Variants in ANKRD55 observed in about 807,000 individuals in gnomAD.
The protein encoded by ANKRD55 is ankyrin repeat domain-containing protein 55.
ANKRD55 carries 41 observed loss-of-function variants against 60.6 expected under a neutral mutation model. The ratio of observed to expected loss-of-function variants is 0.68; its 90% CI spans 0.53 to 0.88. The LOEUF is 0.88. ANKRD55 is among the 40% of genes least tolerant of loss of function. The pLI is 0.00. For missense variants in ANKRD55, 732 were observed against 767.6 expected (o/e 0.95, Z 0.55); for synonymous variants, 264 against 290.3 (o/e 0.91, Z 0.92).
intron 2 of ANKRD55, among the ~76,000 whole-genome samples, chr5:56,223,266 G>C (rs1351481061): frequency 6.6e-6 from 1 of 152,146 alleles, no homozygotes; most frequent in Non-Finnish European, 1.5e-5. Flanking sequence ...CTTCATAAGT[G>C]AAGGAGAAAT....
At chr5:56,181,066 G>A (rs1362711938) in intron 3 of ANKRD55, among the ~76,000 whole-genome samples, 1 of 152,100 alleles carries the variant, frequency 6.6e-6, no homozygotes, top group East Asian at 1.9e-4. Flanking sequence ...TGGGAGCAGT[G>A]GTGAGCACCT....
rs184968431 is a variant in ANKRD55, at chr5:56,131,751, G to A, written c.613-4645C>T. Among the ~76,000 whole-genome samples, 985 of 129,164 alleles carry A rather than the reference G, an allele frequency of 7.6e-3. 7 individuals are homozygous for A. The highest frequency in any genetic ancestry group is 0.022 in the African/African-American group (752 of 34,060). 84.7% of individuals were successfully genotyped at this position (129,164 alleles called of 152,430 possible). On this transcript the variant is annotated intron_variant, in intron 7 of 11. Transcript: ENST00000341048. ...GCAGAGGTTGCAGTGAGCCGAGATC[G>A]CGCCATTGCACTCCAGCCTGGGCAA...
Position 56,191,303 on chromosome 5 carries a change from G to T in ANKRD55, c.59-7669C>A, listed in dbSNP as rs537759412. Among the ~76,000 whole-genome samples the T allele has an allele frequency of 4.6e-5, 7 of 152,188 alleles. No individual in the cohort carries two copies. The East Asian group carries it at 1.3e-3, about 29-fold the overall frequency. On this transcript the variant is annotated intron_variant, in intron 2 of 11. Transcript: ENST00000341048. ...CTGTAGATTGCTTTGTGTAGTACTG[G>T]CATCTTAATAATATTAAGTTTTCTA...
At chr5:56,109,644 T>A (rs1363985702) in intron 10 of ANKRD55, among the ~76,000 whole-genome samples, 1 of 151,902 alleles carries the variant, frequency 6.6e-6, no homozygotes, top group African/African-American at 2.4e-5. Flanking sequence ...AGCCTATGGA[T>A]CATTTAAAAA....
intron 7 of ANKRD55, among the ~76,000 whole-genome samples, chr5:56,141,308 C>CA (rs1757760003): frequency 6.6e-6 from 1 of 151,964 alleles, no homozygotes; most frequent in Admixed American, 6.6e-5. Context: ...CACTGCATTA[C>CA]ACAGCTTGGT....
chr5:56,183,683 G>A lies in ANKRD55; in HGVS notation c.59-49C>T, dbSNP rs756375906. 7.5e-6 allele frequency: 12 copies of A among 1,600,986 alleles called. No homozygotes were observed. In the South Asian group the frequency reaches 1.2e-4, roughly 16 times the overall value. ...TGTTAGTGTGTGGAGCCAGTTCACT[G>A]AAAGAATAACAATACCCAAGTCGTC... is the stretch of plus-strand genomic sequence containing the variant. On this transcript the variant is annotated intron_variant, in intron 2 of 11. Coordinates refer to ENST00000341048, the MANE Select transcript of ANKRD55 (RefSeq NM_024669.3).
intron 7 of ANKRD55, among the ~76,000 whole-genome samples, chr5:56,142,800 G>A (rs1580976984): frequency 6.6e-6 from 1 of 152,218 alleles, no homozygotes; most frequent in African/African-American, 2.4e-5. Flanking sequence ...GATACTGAAA[G>A]TATGTAGGAG....
At chr5:56,201,674 T>G (rs1021066145) in intron 2 of ANKRD55, among the ~76,000 whole-genome samples, 1 of 152,210 alleles carries the variant, frequency 6.6e-6, no homozygotes, top group African/African-American at 2.4e-5. Context: ...TTAATTCATA[T>G]GAAGTGCTTA....
rs1303349452 is a variant in ANKRD55 at position 56,135,274 on chromosome 5, C to G, written c.613-8168G>C. On this transcript the variant is annotated intron_variant, in intron 7 of 11. Coordinates refer to ENST00000341048, the MANE Select transcript of ANKRD55 (RefSeq NM_024669.3). ...TCCTTCCTTCCTTCTTTCCCTCCCT[C>G]CCTCCCTGCCTGCCTGCTTGCTTTC... is the stretch of plus-strand genomic sequence containing the variant. Among the ~76,000 whole-genome samples the G allele has an allele frequency of 2.5e-3, 244 of 97,372 alleles. 10 individuals are homozygous for G. The highest frequency in any genetic ancestry group is 7.5e-3 in the African/African-American group (166 of 22,048). 63.9% of individuals were successfully genotyped at this position (97,372 alleles called of 152,430 possible).
chr5:56,104,692 T>C (rs1220109625), intron 10 of ANKRD55, among the ~76,000 whole-genome samples: 1 of 152,064 alleles, frequency 6.6e-6, no homozygotes, highest in East Asian at 1.9e-4. Context: ...CAATAATAAA[T>C]AGATAATTCA....
At chr5:56,213,795 G>A (rs1489978999) in intron 2 of ANKRD55, among the ~76,000 whole-genome samples, 1 of 152,212 alleles carries the variant, frequency 6.6e-6, no homozygotes, top group East Asian at 1.9e-4. Flanking sequence ...CAAAGCCTAT[G>A]AGTGTCCCTG....
At chr5:56,156,421 T>C (rs1758196337) in intron 6 of ANKRD55, among the ~76,000 whole-genome samples, 2 of 152,344 alleles carry the variant, frequency 1.3e-5, no homozygotes, top group African/African-American at 4.8e-5. Flanking sequence ...GAAAGATCCA[T>C]GTCTGCTTTC....
Position 56,183,652 on chromosome 5 carries a change from A to G in ANKRD55, c.59-18T>C. ...TGAGTCACCTTCATGCATAAAACAG[A>G]CACAATGTTAGTGTGTGGAGCCAGT... On this transcript the variant is annotated intron_variant, in intron 2 of 11. Coordinates refer to ENST00000341048, the MANE Select transcript of ANKRD55 (RefSeq NM_024669.3). The G allele has an allele frequency of 1.2e-6, 2 of 1,613,562 alleles. No individual in the cohort carries two copies. Among genetic ancestry groups the G allele is most frequent in the Non-Finnish European group, 1.7e-6 (2 of 1,179,752 alleles).
chr5:56,206,989 C>G (rs943451529), intron 2 of ANKRD55, among the ~76,000 whole-genome samples: 2 of 152,150 alleles, frequency 1.3e-5, no homozygotes, highest in African/African-American at 4.8e-5. Flanking sequence ...GGCTGGGATA[C>G]AATGATAGAA....
intron 5 of ANKRD55, among the ~76,000 whole-genome samples, chr5:56,169,573 G>C (rs1375710395): frequency 6.6e-6 from 1 of 151,896 alleles, no homozygotes; most frequent in African/African-American, 2.4e-5. Context: ...TGTTATTTCT[G>C]GACATAGTCC....
intron 7 of ANKRD55, among the ~76,000 whole-genome samples, chr5:56,128,436 C>A (rs1186613768): frequency 6.6e-6 from 1 of 152,196 alleles, no homozygotes; most frequent in Non-Finnish European, 1.5e-5. Flanking sequence ...CAGCCAGTCC[C>A]AGGCAGCAGG....
chr5:56,167,800 G>A (rs1758518368), intron 5 of ANKRD55, among the ~76,000 whole-genome samples: 1 of 152,130 alleles, frequency 6.6e-6, no homozygotes, highest in Non-Finnish European at 1.5e-5. Flanking sequence ...ACTTAATGTA[G>A]ATCCTCAAGA....
At chr5:56,167,397 C>T (rs1758508684) in intron 5 of ANKRD55, among the ~76,000 whole-genome samples, 1 of 152,190 alleles carries the variant, frequency 6.6e-6, no homozygotes, top group Non-Finnish European at 1.5e-5. Flanking sequence ...ATATAATCAT[C>T]TTATGGGACC....
chr5:56,102,722 G>T (rs947908452), intron 10 of ANKRD55, 136 bp from the exon 11 acceptor site: 1 of 597,940 alleles, frequency 1.7e-6, no homozygotes, highest in Non-Finnish European at 3.0e-6. Flanking sequence ...TGAAAACAAT[G>T]ATAGCTACAC....
Sources: gnomAD v4.1 joint callset for allele counts (sites outside exome capture counted in the v4.1 genomes callset) on GRCh38, gnomAD v4.1.1 for gene constraint, MANE v1.5 for transcripts, NCBI Gene and HGNC (gene_info 2026-07-23, HGNC 2026-07-21) for gene names.